Variants in ZFAT observed in about 807,000 individuals in gnomAD.
ZFAT encodes zinc finger and AT-hook domain containing.
A neutral mutation model predicts 117.7 loss-of-function variants in ZFAT; 64 were observed. That is an observed-to-expected ratio of 0.54 (90% CI 0.44 to 0.67). The LOEUF is 0.67. Among genes scored for constraint, ZFAT ranks in the 30% least tolerant of loss-of-function variants. The probability of loss-of-function intolerance (pLI) is 0.00; values close to 1 mark genes in which losing one functional copy is unlikely to be tolerated. For missense variants in ZFAT, 1,433 were observed against 1,584.5 expected, an observed-to-expected ratio of 0.90 and a Z score of 1.62; for synonymous variants, 679 against 615.0, an observed-to-expected ratio of 1.10 and a Z score of -1.54.
chr8:134,530,939 A>G (rs1412162192), intron 12 of ZFAT, among the ~76,000 whole-genome samples: 1 of 152,182 alleles, frequency 6.6e-6, no homozygotes, highest in East Asian at 1.9e-4. Context: ...GACTTGAGCC[A>G]TCTGTGGATT....
At chr8:134,523,814 C>T (rs1820831093) in intron 12 of ZFAT, among the ~76,000 whole-genome samples, 1 of 152,178 alleles carries the variant, frequency 6.6e-6, no homozygotes, top group Admixed American at 6.5e-5. Flanking sequence ...CATCTTTAAG[C>T]ACCACCTCTT....
chr8:134,749,759 C>T, the ZFAT span, among the ~76,000 whole-genome samples: 4 of 152,218 alleles, frequency 2.6e-5, no homozygotes, highest in African/African-American at 7.2e-5. Flanking sequence ...CCTATAGCCA[C>T]TTCTGTCATA....
the ZFAT span, among the ~76,000 whole-genome samples, chr8:134,726,474 C>T: frequency 6.6e-6 from 1 of 152,224 alleles, no homozygotes; most frequent in African/African-American, 2.4e-5. Context: ...AGAAGAAGGT[C>T]ATATATACCA....
At chr8:134,780,343 G>GTA in the ZFAT span, among the ~76,000 whole-genome samples, 1 of 152,160 alleles carries the variant, frequency 6.6e-6, no homozygotes, top group African/African-American at 2.4e-5. Context: ...TCAGTAAATG[G>GTA]TAACTCTAGC....
chr8:134,656,861 C>A lies in ZFAT; in HGVS notation c.196+700G>T, dbSNP rs147566224. 2.6e-5 allele frequency among the ~76,000 whole-genome samples: 4 copies of A among 152,250 alleles called. No homozygotes were observed. The East Asian group carries it at 7.7e-4, about 29-fold the overall frequency. ...TGTCTGTGGGGACCTAATTACAGTGCCTGGATGGTTTCTCTGATCCGTGCA... is the reference window on the plus strand; with the variant it reads ...TGTCTGTGGGGACCTAATTACAGTGACTGGATGGTTTCTCTGATCCGTGCA... On this transcript the variant is annotated intron_variant, in intron 2 of 15. Transcript: ENST00000377838.
At position 134,602,215 on chromosome 8, in the gene ZFAT, C is replaced by T. The variant is rs1442120134; in HGVS notation, c.1504G>A (p.Glu502Lys). 6 of 1,613,606 alleles carry T rather than the reference C, an allele frequency of 3.7e-6. No homozygotes were observed. The highest frequency in any genetic ancestry group is 4.2e-6 in the Non-Finnish European group (5 of 1,180,020). Residue 502 changes from glutamate (E) to lysine (K), a missense_variant, in exon 6 of 16, where the codon GAA becomes AAA. Glu to Lys is a moderately conservative substitution (Grantham distance 56). Coordinates refer to ENST00000377838, the MANE Select transcript of ZFAT (RefSeq NM_020863.4). ...SSINQSFCLL[E>K]PGGDIQQEAL... ...TCTTGCTGGATGTCCCCACCAGGTT[C>T]CAGGAGGCAGAAGCTCTGGTTGATG...
At position 134,560,431 on chromosome 8, in the gene ZFAT, T is replaced by C. The variant is rs141558627; in HGVS notation, c.2976+4902A>G. ...TTTAGATGAAAATGAGTGTCCCTTT[T>C]AAATGAAAAGATAAAATTTTATTTT... On this transcript the variant is annotated intron_variant, in intron 11 of 15. Coordinates refer to ENST00000377838, the MANE Select transcript of ZFAT (RefSeq NM_020863.4). Among the ~76,000 whole-genome samples the C allele has an allele frequency of 3.0e-4, 45 of 152,332 alleles. 1 individual carries two copies. In the East Asian group the frequency reaches 7.5e-3, roughly 25 times the overall value.
intron 11 of ZFAT, among the ~76,000 whole-genome samples, chr8:134,557,456 T>C (rs1823730581): frequency 1.3e-5 from 2 of 152,210 alleles, no homozygotes; most frequent in South Asian, 4.1e-4. Context: ...ATATGGACTT[T>C]AGCTAATGAT....
the ZFAT span, among the ~76,000 whole-genome samples, chr8:134,830,453 G>A: frequency 6.6e-6 from 1 of 152,188 alleles, no homozygotes; most frequent in Admixed American, 6.5e-5. Context: ...CAAAGTGAGG[G>A]TCCTCTGTTG....
intron 3 of ZFAT, among the ~76,000 whole-genome samples, chr8:134,631,143 A>T (rs1362670069): frequency 1.3e-5 from 2 of 152,234 alleles, no homozygotes; most frequent in Admixed American, 1.3e-4. Context: ...CATTCAAATC[A>T]ATGGAATAGG....
chr8:134,743,561 T>G, the ZFAT span, among the ~76,000 whole-genome samples: 2 of 152,098 alleles, frequency 1.3e-5, no homozygotes, highest in Non-Finnish European at 2.9e-5. Flanking sequence ...ATATACAACT[T>G]ATTGTTATCA....
chr8:134,663,178 A>C (rs1350901373), intron 1 of ZFAT, among the ~76,000 whole-genome samples: 2 of 152,242 alleles, frequency 1.3e-5, no homozygotes, highest in Non-Finnish European at 2.9e-5. Context: ...TTCAACACAC[A>C]AGCAAGTTCC....
chr8:134,633,854 G>A (rs1830041203), intron 3 of ZFAT, among the ~76,000 whole-genome samples: 1 of 152,180 alleles, frequency 6.6e-6, no homozygotes, highest in Non-Finnish European at 1.5e-5. Flanking sequence ...AGACCAGCCT[G>A]GTCAACATGG....
At chr8:134,555,596 T>C (rs1470252643) in intron 11 of ZFAT, among the ~76,000 whole-genome samples, 1 of 151,992 alleles carries the variant, frequency 6.6e-6, no homozygotes, top group African/African-American at 2.4e-5. Flanking sequence ...ACATATAATG[T>C]CTGGCATTCA....
rs1428126142 is a variant in ZFAT at position 134,513,614 on chromosome 8, G to A, written c.3235-1013C>T. 3.3e-5 allele frequency among the ~76,000 whole-genome samples: 5 copies of A among 152,164 alleles called. No individual in the cohort carries two copies. The South Asian group carries it at 6.2e-4, about 19-fold the overall frequency. ...CTCGTGCCTCAAAGAGAGAAGAGGT[G>A]GAACAGAATTTTTACAGAACTAGAT... On this transcript the variant is annotated intron_variant, in intron 13 of 15. Transcript: ENST00000377838.
chr8:134,576,937 T>C (rs774206845), intron 10 of ZFAT, among the ~76,000 whole-genome samples: 37 of 152,142 alleles, frequency 2.4e-4, no homozygotes, highest in Non-Finnish European at 4.6e-4. Context: ...CCAAAGGAAT[T>C]AGAAATAAAC....
intron 2 of ZFAT, among the ~76,000 whole-genome samples, chr8:134,655,480 T>TATACAAAAA (rs2131193968): frequency 6.6e-6 from 1 of 152,190 alleles, no homozygotes; most frequent in Non-Finnish European, 1.5e-5. Flanking sequence ...AAACCCTGTC[T>TATACAAAAA]ATACAAAAAA....
chr8:134,800,004 A>G, the ZFAT span, among the ~76,000 whole-genome samples: 16 of 152,210 alleles, frequency 1.1e-4, no homozygotes, highest in Admixed American at 7.9e-4. Flanking sequence ...CCACTGAGGT[A>G]TGGAAACAGT....
At chr8:134,771,507 C>T in the ZFAT span, among the ~76,000 whole-genome samples, 1 of 152,202 alleles carries the variant, frequency 6.6e-6, no homozygotes, top group Non-Finnish European at 1.5e-5. Flanking sequence ...CATTTCTGCT[C>T]CAATTCCCAA....
Sources: gnomAD v4.1 joint callset for allele counts (sites outside exome capture counted in the v4.1 genomes callset) on GRCh38, gnomAD v4.1.1 for gene constraint, MANE v1.5 for transcripts, NCBI Gene and HGNC (gene_info 2026-07-23, HGNC 2026-07-21) for gene names.